The following BLTP2 variants were observed in gnomAD, a reference collection of about 807,000 sequenced individuals.
BLTP2 encodes the protein bridge-like lipid transfer protein family member 2.
At chr17:28,617,420 C>G in the BLTP2 span, 1 of 742,796 alleles carries the variant, frequency 1.3e-6, no homozygotes, top group Non-Finnish European at 2.3e-6. Flanking sequence ...CTACATATGC[C>G]TAATCCCAAC....
chr17:28,632,717 T>C, the BLTP2 span, among the ~76,000 whole-genome samples: 2 of 152,154 alleles, frequency 1.3e-5, no homozygotes, highest in Non-Finnish European at 2.9e-5. Context: ...AAACGCTTGT[T>C]GTTTATAAGC....
chr17:28,624,025 T>C, the BLTP2 span: 1 of 1,520,858 alleles, frequency 6.6e-7, no homozygotes, highest in Non-Finnish European at 9.1e-7. Flanking sequence ...AGTGAGCACA[T>C]TGTATCAACC....
chr17:28,638,064 T>C, the BLTP2 span: 3 of 1,614,228 alleles, frequency 1.9e-6, no homozygotes, highest in Admixed American at 1.7e-5. Context: ...GACTGGGTGC[T>C]GGACAGGCCC....
the BLTP2 span, chr17:28,644,136 C>T: frequency 1.9e-6 from 3 of 1,614,214 alleles, no homozygotes; most frequent in Non-Finnish European, 2.5e-6. Flanking sequence ...TCTTTAGCTC[C>T]GCCTGCAGCT....
At chr17:28,630,282 G>T in the BLTP2 span, among the ~76,000 whole-genome samples, 1 of 151,562 alleles carries the variant, frequency 6.6e-6, no homozygotes, top group Non-Finnish European at 1.5e-5. Flanking sequence ...TCAGCCTCCC[G>T]AGTAGCTGGG....
At chr17:28,641,952 G>T in the BLTP2 span, 1 of 1,614,086 alleles carries the variant, frequency 6.2e-7, no homozygotes, top group Non-Finnish European at 8.5e-7. Flanking sequence ...CTCTGGAAGA[G>T]GCCCTCATGC....
chr17:28,638,560 G>C, the BLTP2 span: 3 of 1,613,218 alleles, frequency 1.9e-6, no homozygotes, highest in Admixed American at 5.0e-5. Flanking sequence ...GCAAAAGGTG[G>C]TGTATCTCCA....
At chr17:28,636,881 C>T in the BLTP2 span, 1 of 1,084,938 alleles carries the variant, frequency 9.2e-7, no homozygotes, top group Admixed American at 2.3e-5. Flanking sequence ...TGGGAAAAGA[C>T]AAGAAAAAAA....
the BLTP2 span, chr17:28,615,580 T>C: frequency 2.0e-6 from 3 of 1,523,496 alleles, no homozygotes; most frequent in South Asian, 1.2e-5. Flanking sequence ...TATTTATTCA[T>C]GGATTCTAAA....
At chr17:28,629,185 G>A in the BLTP2 span, among the ~76,000 whole-genome samples, 4 of 151,880 alleles carry the variant, frequency 2.6e-5, no homozygotes, top group South Asian at 2.1e-4. Flanking sequence ...CTGGGACTAC[G>A]GGCACAAGCC....
the BLTP2 span, chr17:28,618,865 G>A: frequency 3.7e-6 from 6 of 1,614,142 alleles, no homozygotes; most frequent in Non-Finnish European, 4.2e-6. Flanking sequence ...AGGCGCCACC[G>A]TGCCTGAGCA....
the BLTP2 span, chr17:28,628,472 G>C: frequency 6.2e-7 from 1 of 1,614,024 alleles, no homozygotes; most frequent in Non-Finnish European, 8.5e-7. Context: ...GCAATGTCTC[G>C]ATTGGTAGTT....
the BLTP2 span, chr17:28,633,630 C>T: frequency 6.2e-7 from 1 of 1,614,068 alleles, no homozygotes; most frequent in Non-Finnish European, 8.5e-7. Flanking sequence ...TCTTGTCCCA[C>T]CAGGGCAAAG....
chr17:28,637,816 A>G, the BLTP2 span: 1 of 1,609,218 alleles, frequency 6.2e-7, no homozygotes, highest in Non-Finnish European at 8.5e-7. Context: ...ACTTCAGTAT[A>G]GACTCCTTGT....
At chr17:28,618,709 TTC>T in the BLTP2 span, 1 of 1,101,120 alleles carries the variant, frequency 9.1e-7, no homozygotes, top group Non-Finnish European at 1.3e-6. Flanking sequence ...CCCCTTTTAT[TTC>T]TCTTTTATGA....
At chr17:28,625,238 A>G in the BLTP2 span, among the ~76,000 whole-genome samples, 1 of 142,784 alleles carries the variant, frequency 7.0e-6, no homozygotes, top group Admixed American at 7.2e-5. Context: ...TGGGAGGCTG[A>G]GGTAGAAGAA....
At chr17:28,619,950 T>C in the BLTP2 span, 6 of 1,613,998 alleles carry the variant, frequency 3.7e-6, no homozygotes, top group African/African-American at 5.3e-5. Flanking sequence ...TGCTGCTGCG[T>C]TGCTCCTCTG....
chr17:28,633,517 T>C, the BLTP2 span: 2 of 1,610,056 alleles, frequency 1.2e-6, no homozygotes, highest in South Asian at 1.1e-5. Flanking sequence ...CATACCATCC[T>C]GATAGGATAA....
At chr17:28,626,398 TC>T in the BLTP2 span, among the ~76,000 whole-genome samples, 1 of 152,216 alleles carries the variant, frequency 6.6e-6, no homozygotes, top group South Asian at 2.1e-4. Context: ...TATTTGGTCT[TC>T]CCTGCTTCCT....
Sources: allele counts gnomAD v4.1 joint callset (sites outside exome capture counted in the v4.1 genomes callset), GRCh38; gene constraint gnomAD v4.1.1; transcripts MANE v1.5; gene names NCBI Gene and HGNC (gene_info 2026-07-23, HGNC 2026-07-21).